ASMTL: variants seen among roughly 807,000 people sequenced by gnomAD.
The protein encoded by ASMTL is acetylserotonin O-methyltransferase like, also known as probable bifunctional dTTP/UTP pyrophosphatase/methyltransferase protein.
Under a neutral mutation model 60.3 loss-of-function variants are expected in ASMTL, and 57 were observed. The observed-to-expected ratio is 0.95, with a 90% confidence interval of 0.76 to 1.18. The LOEUF is 1.18. Among genes scored for constraint, ASMTL ranks in the 50% most tolerant of loss-of-function variants. The pLI is 0.00. For synonymous variants in ASMTL, 419 were observed against 373.0 expected, an observed-to-expected ratio of 1.12 and a Z score of -1.42; for missense variants, 981 against 852.6, an observed-to-expected ratio of 1.15 and a Z score of -1.88.
intron 10 of ASMTL, 23 bp from the exon 11 acceptor site, chrX:1,418,139 T>C (rs774497404): frequency 1.9e-6 from 3 of 1,575,318 alleles, no homozygotes; most frequent in Non-Finnish European, 2.6e-6. Context: ...AAATGCATGC[T>C]CTGTGGCTGG....
intron 10 of ASMTL, among the ~76,000 whole-genome samples, chrX:1,418,767 G>A (rs2090388920): frequency 6.6e-6 from 1 of 152,106 alleles, no homozygotes; most frequent in South Asian, 2.1e-4. Flanking sequence ...CCAAAAGAGA[G>A]GGCCCCGGAG....
intron 11 of ASMTL, among the ~76,000 whole-genome samples, chrX:1,415,871 T>C (rs1184190834): frequency 2.0e-5 from 3 of 150,590 alleles, no homozygotes; most frequent in African/African-American, 7.3e-5. Flanking sequence ...CACACACATA[T>C]ACCCATCCAG....
Position 1,418,117 on chromosome X carries a change from C to A in ASMTL, c.1379-1G>T. 1 of 1,596,276 alleles carries A rather than the reference C, an allele frequency of 6.3e-7. No homozygotes were observed. The highest frequency in any genetic ancestry group is 8.6e-7 in the Non-Finnish European group (1 of 1,169,202). Reference sequence around the variant, plus strand: ...TCTCGGGCCAGTGCACCCGTGCAGCCTGCGGGGAAGCAAATGCATGCTCTG... The same window carrying A: ...TCTCGGGCCAGTGCACCCGTGCAGCATGCGGGGAAGCAAATGCATGCTCTG... On this transcript the variant is annotated splice_acceptor_variant, in intron 10 of 12. Coordinates refer to ENST00000381317, the MANE Select transcript of ASMTL (RefSeq NM_004192.4). LOFTEE classifies it high-confidence loss of function.
Position 1,425,609 on chromosome X carries a change from T to C in ASMTL, c.976A>G (p.Ser326Gly), listed in dbSNP as rs761453325. ...EAPQKAADIA[S>G]KVDASACGME... ...CCACACGCAGAGGCGTCCACTTTGCTGGCAATATCCGCAGCCTTCTGGGGT... is the reference window on the plus strand; with the variant it reads ...CCACACGCAGAGGCGTCCACTTTGCCGGCAATATCCGCAGCCTTCTGGGGT... The change falls in exon 8 of 13, where the codon AGC becomes GGC. Residue 326 changes from serine (S) to glycine (G), a missense_variant. By Grantham distance (56) the Ser-to-Gly change is moderately conservative (BLOSUM62 0). Transcript: ENST00000381317. 1.2e-6 allele frequency: 2 copies of C among 1,613,838 alleles called. No individual in the cohort carries two copies. The highest frequency in any genetic ancestry group is 1.3e-5 in the African/African-American group (1 of 75,062).
chrX:1,420,674 G>A (rs770319608), intron 9 of ASMTL, among the ~76,000 whole-genome samples: 1 of 152,360 alleles, frequency 6.6e-6, no homozygotes, highest in African/African-American at 2.4e-5. Context: ...GGGGAAAGGG[G>A]AAGGAGGGGC....
intron 11 of ASMTL, among the ~76,000 whole-genome samples, chrX:1,416,717 C>T (rs1479211640): frequency 1.4e-5 from 2 of 144,002 alleles, no homozygotes; most frequent in African/African-American, 5.1e-5. Flanking sequence ...TACGCACGCA[C>T]ACACAAGGAC....
chrX:1,452,725 C>T, intron 1 of ASMTL, 23 bp downstream of exon 1: 2 of 1,570,158 alleles, frequency 1.3e-6, no homozygotes, highest in Admixed American at 1.8e-5. Flanking sequence ...CGGTCCCCTG[C>T]CCCGCCCAGG....
At chrX:1,437,196 C>T (rs1361569059) in intron 3 of ASMTL, among the ~76,000 whole-genome samples, 9 of 152,112 alleles carry the variant, frequency 5.9e-5, no homozygotes, top group African/African-American at 1.7e-4. Context: ...CAGGTGTGGG[C>T]AGGGCTGGTT....
intron 1 of ASMTL, among the ~76,000 whole-genome samples, chrX:1,443,587 C>T (rs5989669): frequency 0.81 from 119,827 of 148,118 alleles, 53,598 homozygotes; most frequent in East Asian, 1. Flanking sequence ...GGACACACAC[C>T]GCCATCTTGG....
rs750928897 is a variant in ASMTL, at chrX:1,448,126, C to A, written c.93+4622G>T. On this transcript the variant is annotated intron_variant, in intron 1 of 12. Coordinates refer to ENST00000381317, the MANE Select transcript of ASMTL (RefSeq NM_004192.4). The stretch of plus-strand genomic sequence containing the variant: ...TAAGCACCACCATCTTGGACACACA[C>A]CATCTTGGACACACACCGCCATCTT... 3.3e-5 allele frequency among the ~76,000 whole-genome samples: 5 copies of A among 150,686 alleles called. No individual in the cohort carries two copies. The South Asian group carries it at 6.4e-4, about 19-fold the overall frequency.
At chrX:1,425,920 GA>G (rs2090601482) in intron 7 of ASMTL, among the ~76,000 whole-genome samples, 1 of 152,176 alleles carries the variant, frequency 6.6e-6, no homozygotes, top group Non-Finnish European at 1.5e-5. Flanking sequence ...GCCCATGGGA[GA>G]AAAATCAACA....
intron 11 of ASMTL, among the ~76,000 whole-genome samples, chrX:1,415,640 A>G (rs866540352): frequency 1.2e-4 from 18 of 151,506 alleles, no homozygotes; most frequent in Middle Eastern, 3.2e-3. Context: ...TAATTTTTGT[A>G]TTTTTAGTAG....
intron 1 of ASMTL, among the ~76,000 whole-genome samples, chrX:1,451,234 C>G (rs1430259714): frequency 6.9e-6 from 1 of 144,808 alleles, no homozygotes; most frequent in East Asian, 2.1e-4. Context: ...GTCACTCTCC[C>G]CAACCCCATG....
intron 9 of ASMTL, 89 bp downstream of exon 9, chrX:1,421,569 C>G (rs2090484545): frequency 7.2e-7 from 1 of 1,397,770 alleles, no homozygotes; most frequent in South Asian, 1.2e-5. Flanking sequence ...TGGAGACAGA[C>G]TGGTCAAGGT....
intron 11 of ASMTL, among the ~76,000 whole-genome samples, chrX:1,417,094 GACAC>G (rs1279043899): frequency 6.7e-6 from 1 of 149,450 alleles, no homozygotes; most frequent in Non-Finnish European, 1.5e-5. Flanking sequence ...CATAGATGCA[GACAC>G]ACAGACAAGC....
chrX:1,445,667 T>C (rs1363356417), intron 1 of ASMTL, among the ~76,000 whole-genome samples: 2 of 152,292 alleles, frequency 1.3e-5, no homozygotes, highest in Admixed American at 6.5e-5. Flanking sequence ...GCTCTTCCGG[T>C]ATATGATAAA....
rs28809182 is a variant in ASMTL, at chrX:1,437,035, C to T, written c.274-1277G>A. On this transcript the variant is annotated intron_variant, in intron 3 of 12. Transcript: ENST00000381317. ...CATCTTCTCCCTGTGTCCTCACAGA[C>T]TCGTCCCTCTGTATCTGTGTCCTCA... Among the ~76,000 whole-genome samples the T allele has an allele frequency of 3.4e-5, 5 of 146,956 alleles. No individual in the cohort carries two copies. The South Asian group carries it at 1.1e-3, about 32-fold the overall frequency.
At chrX:1,418,706 C>T (rs1218344597) in intron 10 of ASMTL, among the ~76,000 whole-genome samples, 1 of 152,106 alleles carries the variant, frequency 6.6e-6, no homozygotes, top group African/African-American at 2.4e-5. Flanking sequence ...TATAATCAGA[C>T]TTGCTGAGGG....
chrX:1,407,712 T>C (rs1360737420), intron 12 of ASMTL, among the ~76,000 whole-genome samples: 2 of 151,710 alleles, frequency 1.3e-5, no homozygotes, highest in Non-Finnish European at 2.9e-5. Context: ...AGTGAGACCC[T>C]GTCTCTATTT....
Sources: allele counts gnomAD v4.1 joint callset (sites outside exome capture counted in the v4.1 genomes callset), GRCh38; gene constraint gnomAD v4.1.1; transcripts MANE v1.5; gene names NCBI Gene and HGNC (gene_info 2026-07-23, HGNC 2026-07-21).